The following ERICH2 variants were observed in gnomAD, a reference collection of about 807,000 sequenced individuals.
ERICH2 encodes glutamate rich 2, also known as glutamate-rich protein 2.
Under a neutral mutation model 17.4 loss-of-function variants are expected in ERICH2, and 17 were observed. The observed-to-expected ratio is 0.98, with a 90% confidence interval of 0.67 to 1.47. The LOEUF is 1.47. ERICH2 is among the 40% of genes most tolerant of loss of function. ERICH2 has a pLI of 0.00. For synonymous variants in ERICH2, 51 were observed against 61.1 expected (o/e 0.83, Z 0.77); for missense variants, 186 against 183.2 (o/e 1.01, Z -0.09).
chr2:170,774,696 C>T, the ERICH2 span, among the ~76,000 whole-genome samples: 4 of 151,750 alleles, frequency 2.6e-5, no homozygotes, highest in South Asian at 2.1e-4. Context: ...CTCAGCCTCC[C>T]GAGTAGCTGG....
At chr2:170,793,372 A>G (rs1701338485) in intron 3 of ERICH2, among the ~76,000 whole-genome samples, 2 of 152,256 alleles carry the variant, frequency 1.3e-5, no homozygotes, top group East Asian at 3.8e-4. Flanking sequence ...AGTGTTAGAA[A>G]GACAATAAAC....
upstream of ERICH2, chr2:170,782,319 C>T (rs914829570): frequency 4.1e-6 from 4 of 972,360 alleles, no homozygotes; most frequent in South Asian, 4.8e-5. Context: ...CAAGGAGTAT[C>T]GAAAGTAAAG....
upstream of ERICH2, among the ~76,000 whole-genome samples, chr2:170,779,393 C>A (rs777779141): frequency 2.6e-5 from 4 of 152,158 alleles, no homozygotes; most frequent in Non-Finnish European, 5.9e-5. Context: ...GTCCCAGCCA[C>A]AAGAAGTATG....
exon 1 of ERICH2, chr2:170,783,793 T>A: frequency 6.5e-7 from 1 of 1,550,368 alleles, no homozygotes; most frequent in Non-Finnish European, 8.7e-7. Context: ...ATTGAGTCAG[T>A]CTACAGGCTA....
chr2:170,797,884 A>T (rs745481755), intron 3 of ERICH2, among the ~76,000 whole-genome samples, 157 bp from the exon 9 acceptor site: 8 of 151,840 alleles, frequency 5.3e-5, no homozygotes, highest in Non-Finnish European at 1.0e-4. Flanking sequence ...AATTTTCTCT[A>T]TTTGTACTCA....
At chr2:170,772,948 T>C in the ERICH2 span, among the ~76,000 whole-genome samples, 1 of 152,266 alleles carries the variant, frequency 6.6e-6, no homozygotes, top group East Asian at 1.9e-4. Context: ...AAGAGAAATC[T>C]AAAATAAAAA....
At chr2:170,772,087 TAATAAC>T in the ERICH2 span, among the ~76,000 whole-genome samples, 54 of 152,230 alleles carry the variant, frequency 3.5e-4, no homozygotes, top group Admixed American at 9.8e-4. Context: ...TGGAGAACAA[TAATAAC>T]AATAACATTT....
chr2:170,771,066 G>T, the ERICH2 span: 686 of 150,220 alleles, frequency 4.6e-3, 9 homozygotes, highest in Middle Eastern at 9.1e-3. The surrounding 1 kb of genome is among the most constrained non-coding windows in gnomAD (Gnocchi z 4.8). Context: ...TCCACGCGCC[G>T]TGCAGTCTCC....
At chr2:170,773,528 G>T in the ERICH2 span, among the ~76,000 whole-genome samples, 1 of 152,204 alleles carries the variant, frequency 6.6e-6, no homozygotes, top group South Asian at 2.1e-4. Context: ...AAATTACATT[G>T]TAGCCCCTTA....
chr2:170,781,292 T>C (rs1701021365), upstream of ERICH2, among the ~76,000 whole-genome samples: 1 of 152,138 alleles, frequency 6.6e-6, no homozygotes, highest in South Asian at 2.1e-4. Context: ...GGTGAATTTT[T>C]AAAACTTTAT....
At chr2:170,775,880 C>T in the ERICH2 span, among the ~76,000 whole-genome samples, 2 of 148,486 alleles carry the variant, frequency 1.3e-5, no homozygotes, top group East Asian at 2.0e-4. Flanking sequence ...AAAAACAATA[C>T]GAAATAATGA....
chr2:170,773,982 A>C, the ERICH2 span, among the ~76,000 whole-genome samples: 6 of 152,136 alleles, frequency 3.9e-5, no homozygotes, highest in Admixed American at 3.9e-4. Flanking sequence ...TCGACCTCCC[A>C]AAGTGTTGGG....
At chr2:170,777,223 A>G in the ERICH2 span, 1 of 166,804 alleles carries the variant, frequency 6.0e-6, no homozygotes, top group Non-Finnish European at 1.3e-5. Flanking sequence ...CTATTTTAGC[A>G]TCAATTTATA....
At chr2:170,793,061 G>A in intron 3 of ERICH2, 141 bp downstream of exon 8, 1 of 497,492 alleles carries the variant, frequency 2.0e-6, no homozygotes. Flanking sequence ...AATAAATTAG[G>A]TTGATTGGTA....
At chr2:170,794,707 A>G (rs1375536654) in intron 3 of ERICH2, among the ~76,000 whole-genome samples, 1 of 152,260 alleles carries the variant, frequency 6.6e-6, no homozygotes, top group Non-Finnish European at 1.5e-5. Flanking sequence ...GACTCAAAAT[A>G]TTAAGCAGTG....
At chr2:170,789,220 C>T (rs528351257) in intron 2 of ERICH2, among the ~76,000 whole-genome samples, 1 of 151,942 alleles carries the variant, frequency 6.6e-6, no homozygotes, top group Non-Finnish European at 1.5e-5. Flanking sequence ...CCACCTCGGC[C>T]TCCCAAAGTG....
At chr2:170,783,620 A>G (rs772586478), upstream of ERICH2, among the ~76,000 whole-genome samples, 11 of 152,242 alleles carry the variant, frequency 7.2e-5, no homozygotes, top group Admixed American at 2.0e-4. Context: ...GGTAGGTGCT[A>G]TAATGTAAAT....
the ERICH2 span, among the ~76,000 whole-genome samples, chr2:170,776,309 A>G: frequency 1.3e-5 from 2 of 152,242 alleles, no homozygotes; most frequent in African/African-American, 4.8e-5. Flanking sequence ...TAAAAATACC[A>G]TAGCTTGAGA....
At chr2:170,798,614 T>C (rs891519999) in intron 4 of ERICH2, among the ~76,000 whole-genome samples, 156 bp from the exon 10 acceptor site, 4 of 152,238 alleles carry the variant, frequency 2.6e-5, no homozygotes, top group African/African-American at 9.6e-5. Context: ...TTCTTCTTTG[T>C]ACTACCATTT....
Sources: gnomAD v4.1 joint callset for allele counts (sites outside exome capture counted in the v4.1 genomes callset) on GRCh38, gnomAD v4.1.1 for gene constraint, Gnocchi (gnomAD v3.1) non-coding constraint, MANE v1.5 for transcripts, NCBI Gene and HGNC (gene_info 2026-07-23, HGNC 2026-07-21) for gene names.